RBMS1: variants seen among roughly 807,000 people sequenced by gnomAD.
The protein encoded by RBMS1 is RNA binding motif single stranded interacting protein 1.
Under a neutral mutation model 62.3 loss-of-function variants are expected in RBMS1, and 17 were observed. The ratio of observed to expected loss-of-function variants is 0.27; its 90% CI spans 0.19 to 0.41. The LOEUF (loss-of-function observed/expected upper bound fraction) is 0.41, where lower values mean the gene tolerates loss of function less well. Among genes scored for constraint, RBMS1 ranks in the 10% least tolerant of loss-of-function variants. The pLI is 1.00. For missense variants in RBMS1, 334 were observed against 504.5 expected, an observed-to-expected ratio of 0.66 and a Z score of 3.24; for synonymous variants, 172 against 170.0, an observed-to-expected ratio of 1.01 and a Z score of -0.09.
At chr2:160,301,986 TTAA>T (rs1689233009) in intron 5 of RBMS1, among the ~76,000 whole-genome samples, 1 of 152,180 alleles carries the variant, frequency 6.6e-6, no homozygotes, top group Non-Finnish European at 1.5e-5. Flanking sequence ...TTGCAGAGTA[TTAA>T]TAAGTTTCTA....
chr2:160,455,991 A>G (rs201139126), intron 1 of RBMS1, among the ~76,000 whole-genome samples: 1 of 152,212 alleles, frequency 6.6e-6, no homozygotes, highest in Non-Finnish European at 1.5e-5. Context: ...CCCATTCCCA[A>G]GCTTTTTATG....
At chr2:160,341,645 C>G (rs1691879844) in intron 2 of RBMS1, among the ~76,000 whole-genome samples, 1 of 152,090 alleles carries the variant, frequency 6.6e-6, no homozygotes, top group Admixed American at 6.6e-5. Flanking sequence ...GGACATTGTC[C>G]CTGTTTTTAG....
chr2:160,315,699 T>C (rs1690180384), intron 3 of RBMS1, among the ~76,000 whole-genome samples: 1 of 152,230 alleles, frequency 6.6e-6, no homozygotes, highest in African/African-American at 2.4e-5. Context: ...TAAGTATAAA[T>C]AATGAATCAA....
At chr2:160,474,339 T>C (rs1685042681) in intron 1 of RBMS1, among the ~76,000 whole-genome samples, 2 of 152,322 alleles carry the variant, frequency 1.3e-5, no homozygotes, top group South Asian at 4.1e-4. Flanking sequence ...TTCTTTTTTG[T>C]GTGTGTTGAT....
chr2:160,280,952 G>T (rs1246003373), intron 10 of RBMS1, among the ~76,000 whole-genome samples: 1 of 151,980 alleles, frequency 6.6e-6, no homozygotes, highest in Non-Finnish European at 1.5e-5. Context: ...TCTTCATCTC[G>T]GTTTTGAACT....
chr2:160,386,970 C>T (rs2105201701), intron 1 of RBMS1, among the ~76,000 whole-genome samples: 1 of 152,262 alleles, frequency 6.6e-6, no homozygotes, highest in Admixed American at 6.5e-5. Flanking sequence ...TTTCTGGAAG[C>T]TACTGTTATT....
chr2:160,389,566 C>T (rs1240986577), intron 1 of RBMS1, among the ~76,000 whole-genome samples: 3 of 151,684 alleles, frequency 2.0e-5, no homozygotes, highest in Non-Finnish European at 4.4e-5. Flanking sequence ...GGCGGGGTGG[C>T]GCACACCTGT....
At chr2:160,358,499 GTTA>G (rs992122287) in intron 2 of RBMS1, among the ~76,000 whole-genome samples, 1 of 152,034 alleles carries the variant, frequency 6.6e-6, no homozygotes, top group African/African-American at 2.4e-5. Flanking sequence ...AGAAAATACT[GTTA>G]TTAATATTTT....
At chr2:160,401,819 C>T (rs1695436408) in intron 1 of RBMS1, 1 of 152,132 alleles carries the variant, frequency 6.6e-6, no homozygotes, top group Non-Finnish European at 1.5e-5. Flanking sequence ...TGAAAGTCTT[C>T]CCCAGAGAGG....
chr2:160,458,499 C>G (rs1288305831), intron 1 of RBMS1, among the ~76,000 whole-genome samples: 1 of 152,086 alleles, frequency 6.6e-6, no homozygotes, highest in Non-Finnish European at 1.5e-5. Flanking sequence ...AAAACACTAA[C>G]TAAAAGAAAT....
intron 1 of RBMS1, among the ~76,000 whole-genome samples, chr2:160,375,618 T>C (rs1350688102): frequency 6.6e-6 from 1 of 152,138 alleles, no homozygotes; most frequent in Non-Finnish European, 1.5e-5. Context: ...CTCTTCTATA[T>C]AAAAGGACCC....
intron 1 of RBMS1, among the ~76,000 whole-genome samples, chr2:160,455,569 A>G (rs1684184074): frequency 6.6e-6 from 1 of 152,172 alleles, no homozygotes; most frequent in Admixed American, 6.5e-5. Context: ...TGGGAGGAAA[A>G]TTGTGAACCT....
chr2:160,320,902 T>C (rs1278723132), intron 2 of RBMS1, among the ~76,000 whole-genome samples: 2 of 152,134 alleles, frequency 1.3e-5, no homozygotes, highest in African/African-American at 4.8e-5. Flanking sequence ...ACTTTTAGAC[T>C]GTATCCCTGT....
intron 4 of RBMS1, among the ~76,000 whole-genome samples, chr2:160,303,771 G>T (rs1689340435): frequency 6.6e-6 from 1 of 152,132 alleles, no homozygotes; most frequent in Non-Finnish European, 1.5e-5. Context: ...GTTGTTTGCG[G>T]TGTTTCTAAA....
chr2:160,453,371 G>A (rs1684078428), intron 1 of RBMS1, among the ~76,000 whole-genome samples: 1 of 152,016 alleles, frequency 6.6e-6, no homozygotes, highest in Non-Finnish European at 1.5e-5. Context: ...CCTTACCATC[G>A]TAAAAGCATT....
chr2:160,408,184 C>T (rs561792912), intron 1 of RBMS1, among the ~76,000 whole-genome samples: 3 of 151,940 alleles, frequency 2.0e-5, no homozygotes, highest in Non-Finnish European at 4.4e-5. Context: ...TTTTCCCCCT[C>T]GGTTCTTTCC....
At chr2:160,381,474 ACT>A (rs1289026923) in intron 1 of RBMS1, among the ~76,000 whole-genome samples, 1 of 152,208 alleles carries the variant, frequency 6.6e-6, no homozygotes, top group Non-Finnish European at 1.5e-5. Flanking sequence ...TTGAGCATTT[ACT>A]CTGTTTTTGG....
chr2:160,449,092 GC>G (rs1316765164), intron 1 of RBMS1, among the ~76,000 whole-genome samples: 3 of 150,804 alleles, frequency 2.0e-5, no homozygotes, highest in African/African-American at 7.4e-5. Context: ...GAGCCCCTCC[GC>G]CCGGCAGCCG....
At chr2:160,452,728 T>C (rs1684044951) in intron 1 of RBMS1, among the ~76,000 whole-genome samples, 1 of 152,168 alleles carries the variant, frequency 6.6e-6, no homozygotes, top group Non-Finnish European at 1.5e-5. Flanking sequence ...ATCACAAAGC[T>C]AAGCACTGGA....
Sources: gnomAD v4.1 joint callset for allele counts (sites outside exome capture counted in the v4.1 genomes callset) on GRCh38, gnomAD v4.1.1 for gene constraint, MANE v1.5 for transcripts, NCBI Gene and HGNC (gene_info 2026-07-23, HGNC 2026-07-21) for gene names.